Variants in SUCLA2 observed in about 807,000 individuals in gnomAD.
SUCLA2 encodes succinate-CoA ligase ADP-forming subunit beta.
In SUCLA2, 30 loss-of-function variants were observed where a neutral mutation model predicts 54.8. That is an observed-to-expected ratio of 0.55 (90% confidence interval 0.41 to 0.74). The LOEUF (loss-of-function observed/expected upper bound fraction) is 0.74. SUCLA2 is among the 30% of genes least tolerant of loss of function. The pLI is 0.00. For missense variants in SUCLA2, 476 were observed against 562.9 expected (o/e 0.85, Z 1.56); for synonymous variants, 172 against 188.9 (o/e 0.91, Z 0.74).
chr13:47,981,188 A>G (rs375506596), intron 4 of SUCLA2, among the ~76,000 whole-genome samples: 1 of 152,204 alleles, frequency 6.6e-6, no homozygotes, highest in South Asian at 2.1e-4. Flanking sequence ...AATATTTGCA[A>G]TCCATATATC....
intron 4 of SUCLA2, chr13:47,987,540 T>C (rs1381061595): frequency 1.3e-5 from 2 of 152,112 alleles, no homozygotes; most frequent in Non-Finnish European, 2.9e-5. Context: ...AAAACAATGC[T>C]TCTTAATTTT....
intron 4 of SUCLA2, among the ~76,000 whole-genome samples, chr13:47,983,612 C>A (rs1566090238): frequency 6.6e-6 from 1 of 151,888 alleles, no homozygotes; most frequent in African/African-American, 2.4e-5. Context: ...GCCTCAGCCT[C>A]CGGAGTAGCT....
At chr13:47,971,412 C>T (rs966169198) in intron 5 of SUCLA2, 3 of 152,444 alleles carry the variant, frequency 2.0e-5, no homozygotes, top group African/African-American at 7.2e-5. Context: ...GAGCAAGAAT[C>T]TCCATCTCAA....
In SUCLA2 at chr13:47,959,278, A is replaced by G. The variant is rs1027962509; in HGVS notation, c.803-4721T>C. On this transcript the variant is annotated intron_variant, in intron 6 of 10. Coordinates refer to ENST00000646932, the MANE Select transcript of SUCLA2 (RefSeq NM_003850.3). ...AAGGAAACAAGTGGGGGAGAAAGGT[A>G]TGAAAAAAATTATGTATATGATGAT... Among the ~76,000 whole-genome samples, 3 of 152,068 alleles carry G rather than the reference A, an allele frequency of 2.0e-5. No individual in the cohort carries two copies. The East Asian group carries it at 5.8e-4, about 29-fold the overall frequency.
In SUCLA2 at chr13:47,996,853, G is replaced by A; in HGVS notation, c.261C>T (p.Ala87=). The A allele has an allele frequency of 6.2e-7, 1 of 1,612,712 alleles. No homozygotes were observed. Among genetic ancestry groups the A allele is most frequent in the South Asian group, 1.1e-5 (1 of 90,984 alleles). Residue 87 remains alanine (A), a synonymous_variant, in exon 2 of 11, where the codon GCC becomes GCT. Transcript: ENST00000646932. ...TTCTTAATTTAGTACCTAATTTTTT[G>A]GCAATTGCATAAGCTTCATCTGGTG... ...AKSPDEAYAI[A]KKLGSKDVVI... is the part of the protein sequence containing the mutation.
intron 4 of SUCLA2, among the ~76,000 whole-genome samples, chr13:47,981,065 G>A (rs887240222): frequency 1.6e-4 from 24 of 152,006 alleles, no homozygotes; most frequent in African/African-American, 5.8e-4. Context: ...TGATACCAAA[G>A]GCACAGGCAG....
At chr13:47,944,525 G>A (rs1949713596) in intron 10 of SUCLA2, among the ~76,000 whole-genome samples, 1 of 151,838 alleles carries the variant, frequency 6.6e-6, no homozygotes, top group African/African-American at 2.4e-5. Context: ...CACTTTCAGA[G>A]ACAAGTTATA....
chr13:47,995,674 TATTA>T (rs1380780573), intron 2 of SUCLA2, among the ~76,000 whole-genome samples: 1 of 152,224 alleles, frequency 6.6e-6, no homozygotes, highest in Non-Finnish European at 1.5e-5. Context: ...ATTTAAAGCC[TATTA>T]ATTAAATGTA....
intron 6 of SUCLA2, among the ~76,000 whole-genome samples, chr13:47,957,759 G>A (rs886491083): frequency 1.8e-4 from 28 of 152,130 alleles, no homozygotes; most frequent in Non-Finnish European, 3.8e-4. Flanking sequence ...CCGGGCAAGT[G>A]AGCGTCCTTT....
intron 1 of SUCLA2, among the ~76,000 whole-genome samples, chr13:48,000,163 G>T (rs1950219402): frequency 6.6e-6 from 1 of 151,734 alleles, no homozygotes; most frequent in Non-Finnish European, 1.5e-5. Context: ...GGTAGGGGCG[G>T]GAGGGCCCTA....
chr13:47,990,000 G>A (rs1461796695), intron 2 of SUCLA2, among the ~76,000 whole-genome samples: 1 of 152,076 alleles, frequency 6.6e-6, no homozygotes, highest in Non-Finnish European at 1.5e-5. Context: ...CTAATTTGCT[G>A]TGGAAAACCA....
intron 4 of SUCLA2, among the ~76,000 whole-genome samples, chr13:47,983,884 A>G (rs1163187884): frequency 6.6e-6 from 1 of 152,194 alleles, no homozygotes; most frequent in Non-Finnish European, 1.5e-5. Context: ...TTAATATTAA[A>G]TTCTCACTAA....
rs769997346 is a variant in SUCLA2, at chr13:47,948,967, ACAAG to A, written c.1286_1289del (p.Ala429ValfsTer12). 6.2e-7 allele frequency: 1 copy of A among 1,613,726 alleles called. No homozygotes were observed. The highest frequency in any genetic ancestry group is 2.2e-5 in the East Asian group (1 of 44,884). ...TTCTAGCAGCTTCATCCAAGTCATC[ACAAG>A]CAAGTATTTTAAGTCCACTGTCCGC... On this transcript the variant is annotated frameshift_variant, in exon 10 of 11. Coordinates refer to ENST00000646932, the MANE Select transcript of SUCLA2 (RefSeq NM_003850.3). LOFTEE classifies it high-confidence loss of function.
chr13:47,962,471 G>A (rs372522439), intron 6 of SUCLA2, among the ~76,000 whole-genome samples: 3 of 152,328 alleles, frequency 2.0e-5, no homozygotes, highest in South Asian at 2.1e-4. Flanking sequence ...GATTCTTGTC[G>A]CACTGTGTGT....
chr13:47,966,003 G>C (rs1949915525), intron 6 of SUCLA2, among the ~76,000 whole-genome samples: 1 of 152,178 alleles, frequency 6.6e-6, no homozygotes, highest in Non-Finnish European at 1.5e-5. Flanking sequence ...AGCCGAGATT[G>C]CACCACTGCA....
chr13:47,986,832 C>T (rs1950108638), intron 4 of SUCLA2, among the ~76,000 whole-genome samples: 1 of 152,130 alleles, frequency 6.6e-6, no homozygotes, highest in Admixed American at 6.5e-5. Context: ...AAAGCAATTT[C>T]TAATGATTAG....
chr13:47,995,245 C>A (rs1566093408), intron 2 of SUCLA2, among the ~76,000 whole-genome samples: 1 of 151,982 alleles, frequency 6.6e-6, no homozygotes, highest in Non-Finnish European at 1.5e-5. Context: ...ACCATTTTTA[C>A]CGACGTAATT....
chr13:47,994,873 A>G (rs1950178534), intron 2 of SUCLA2: 4 of 985,226 alleles, frequency 4.1e-6, no homozygotes, highest in Non-Finnish European at 4.8e-6. Context: ...TTTATCCTGC[A>G]CATATTATTT....
At chr13:47,986,108 G>A (rs1950102064) in intron 4 of SUCLA2, among the ~76,000 whole-genome samples, 1 of 140,600 alleles carries the variant, frequency 7.1e-6, no homozygotes, top group Non-Finnish European at 1.5e-5. Context: ...TCGGCTCACT[G>A]CAACCTCCAC....
Sources: gnomAD v4.1 joint callset for allele counts (sites outside exome capture counted in the v4.1 genomes callset) on GRCh38, gnomAD v4.1.1 for gene constraint, MANE v1.5 for transcripts, NCBI Gene and HGNC (gene_info 2026-07-23, HGNC 2026-07-21) for gene names.